Variants in WHRN observed in about 807,000 individuals in gnomAD.
WHRN encodes CASK-interacting protein CIP98.
Under a neutral mutation model 68.3 loss-of-function variants are expected in WHRN, and 41 were observed. The ratio of observed to expected loss-of-function variants is 0.60; its 90% CI spans 0.47 to 0.78. The LOEUF (loss-of-function observed/expected upper bound fraction) is 0.78, where lower values mean the gene tolerates loss of function less well. Ranked by LOEUF, WHRN falls within the 30% of genes least tolerant of loss-of-function variation. The pLI is 0.00. For missense variants in WHRN, 1,243 were observed against 1,244.7 expected (o/e 1.00, Z 0.02); for synonymous variants, 560 against 561.3 (o/e 1.00, Z 0.03).
intron 3 of WHRN, among the ~76,000 whole-genome samples, chr9:114,427,789 G>A (rs191825435): frequency 5.3e-5 from 8 of 152,282 alleles, no homozygotes; most frequent in South Asian, 2.1e-4. Context: ...GACACTCAGG[G>A]GAGGCTTGCT....
chr9:114,494,152 G>A (rs1843250369), intron 1 of WHRN, among the ~76,000 whole-genome samples: 1 of 152,238 alleles, frequency 6.6e-6, no homozygotes, highest in Admixed American at 6.5e-5. Context: ...CCCACACAGA[G>A]CTTGTGATGT....
chr9:114,471,985 C>T (rs1434783976), intron 2 of WHRN, among the ~76,000 whole-genome samples: 4 of 152,214 alleles, frequency 2.6e-5, no homozygotes, highest in Non-Finnish European at 4.4e-5. Flanking sequence ...AGGAGAGACT[C>T]ACTCCCTAGC....
intron 3 of WHRN, among the ~76,000 whole-genome samples, chr9:114,465,647 T>C (rs772632831): frequency 6.6e-5 from 10 of 152,212 alleles, no homozygotes; most frequent in Non-Finnish European, 2.9e-5. Flanking sequence ...CCCTGCAGCG[T>C]GCTAAGTGAG....
intron 7 of WHRN, 108 bp downstream of exon 7, chr9:114,423,206 C>T (rs1836470909): frequency 1.7e-6 from 2 of 1,170,378 alleles, no homozygotes; most frequent in East Asian, 4.7e-5. Flanking sequence ...AGGCACACAG[C>T]TGGTAAGTGG....
intron 10 of WHRN, 71 bp downstream of exon 10, chr9:114,403,825 C>A: frequency 6.3e-7 from 1 of 1,582,166 alleles, no homozygotes; most frequent in Non-Finnish European, 8.6e-7. Flanking sequence ...GCCCTGGTCC[C>A]GGGACCTCCC....
chr9:114,497,277 C>T (rs569963927), intron 1 of WHRN, among the ~76,000 whole-genome samples: 39 of 152,250 alleles, frequency 2.6e-4, no homozygotes, highest in African/African-American at 9.1e-4. Context: ...GAAAAAAAAT[C>T]ATGACGAAAC....
chr9:114,428,992 G>A (rs1330542548), intron 3 of WHRN, among the ~76,000 whole-genome samples: 3 of 151,494 alleles, frequency 2.0e-5, no homozygotes, highest in African/African-American at 2.4e-5. Context: ...GTGTAGTGGC[G>A]CAATCTCGGC....
chr9:114,450,824 T>TA (rs1491288149), intron 3 of WHRN, among the ~76,000 whole-genome samples: 5 of 122,110 alleles, frequency 4.1e-5, no homozygotes, highest in African/African-American at 9.1e-5. Flanking sequence ...TTATTATTAG[T>TA]TTCCCCCCCC....
intron 1 of WHRN, among the ~76,000 whole-genome samples, chr9:114,482,941 G>A (rs1056321704): frequency 6.6e-6 from 1 of 151,978 alleles, no homozygotes; most frequent in Non-Finnish European, 1.5e-5. Flanking sequence ...GCCCCAAGAT[G>A]GGAAGGGAAA....
chr9:114,461,149 C>A (rs10759708), intron 3 of WHRN, among the ~76,000 whole-genome samples: 115,939 of 151,974 alleles, frequency 0.76, 44,409 homozygotes, highest in East Asian at 0.97. Flanking sequence ...AGTGAGTGGA[C>A]ACTTCTACGG....
chr9:114,455,274 A>T (rs1839682872), intron 3 of WHRN, among the ~76,000 whole-genome samples: 1 of 152,166 alleles, frequency 6.6e-6, no homozygotes, highest in South Asian at 2.1e-4. Context: ...GCTGGAGTGC[A>T]GCAGCTAGAT....
intron 3 of WHRN, among the ~76,000 whole-genome samples, chr9:114,435,135 G>A (rs920866483): frequency 3.3e-5 from 5 of 152,094 alleles, no homozygotes; most frequent in African/African-American, 4.8e-5. Flanking sequence ...AATCCCCCTC[G>A]CCCAGGGCAC....
At chr9:114,495,867 C>T (rs1432937131) in intron 1 of WHRN, among the ~76,000 whole-genome samples, 7 of 152,192 alleles carry the variant, frequency 4.6e-5, no homozygotes, top group South Asian at 2.1e-4. Flanking sequence ...GCCACCCCTC[C>T]GTCCAGGGAC....
At chr9:114,432,539 G>C (rs1837514032) in intron 3 of WHRN, among the ~76,000 whole-genome samples, 2 of 152,178 alleles carry the variant, frequency 1.3e-5, no homozygotes, top group Admixed American at 1.3e-4. Flanking sequence ...ACAGACCCAG[G>C]AGTCTCTGAC....
chr9:114,481,088 A>G (rs77739852), intron 1 of WHRN, among the ~76,000 whole-genome samples: 7,888 of 152,192 alleles, frequency 0.052, 548 homozygotes, highest in African/African-American at 0.14. Context: ...GCTTGCCCCA[A>G]TTTGCACATA....
chr9:114,505,192 G>T lies in WHRN; in HGVS notation c.-391C>A, dbSNP rs4527950. ...TGGAGTTTGGGGGCGCCGCAAAGCT[G>T]ACCTGACTGCCCCGTCACACCATGC... On this transcript the variant is annotated 5_prime_UTR_variant, in exon 1 of 12. Coordinates refer to ENST00000362057, the MANE Select transcript of WHRN (RefSeq NM_015404.4). 0.35 allele frequency: 63,858 copies of T among 184,380 alleles called. 11,671 individuals are homozygous for T. The highest frequency in any genetic ancestry group is 0.38 in the Non-Finnish European group (34,423 of 90,406). 11.4% of individuals were successfully genotyped at this position (184,380 alleles called of 1,614,324 possible).
At chr9:114,487,631 T>A (rs1198657675) in intron 1 of WHRN, among the ~76,000 whole-genome samples, 1 of 152,238 alleles carries the variant, frequency 6.6e-6, no homozygotes, top group Non-Finnish European at 1.5e-5. Flanking sequence ...GGGGCATTCA[T>A]GCATCTAATT....
At chr9:114,446,732 CA>C (rs1264322702) in intron 3 of WHRN, among the ~76,000 whole-genome samples, 2 of 152,146 alleles carry the variant, frequency 1.3e-5, no homozygotes, top group Non-Finnish European at 2.9e-5. Context: ...CTGGACATCC[CA>C]AACTCTGAAA....
intron 7 of WHRN, among the ~76,000 whole-genome samples, chr9:114,410,990 T>C (rs992542922): frequency 2.0e-5 from 3 of 152,306 alleles, no homozygotes; most frequent in East Asian, 1.9e-4. Context: ...CTCTGTAAAA[T>C]AGGTTAACAG....
Sources: gnomAD v4.1 joint callset for allele counts (sites outside exome capture counted in the v4.1 genomes callset) on GRCh38, gnomAD v4.1.1 for gene constraint, MANE v1.5 for transcripts, NCBI Gene and HGNC (gene_info 2026-07-23, HGNC 2026-07-21) for gene names.